BPNT2: variants seen among roughly 807,000 people sequenced by gnomAD.
BPNT2 encodes the protein 3'(2'), 5'-bisphosphate nucleotidase 2, also known as Golgi-resident adenosine 3',5'-bisphosphate 3'-phosphatase.
Under a neutral mutation model 29.3 loss-of-function variants are expected in BPNT2, and 11 were observed. That is an observed-to-expected ratio of 0.38 (90% CI 0.24 to 0.62). The LOEUF is 0.62. Ranked by LOEUF, BPNT2 falls within the 20% of genes least tolerant of loss-of-function variation. The pLI is 0.62. For missense variants in BPNT2, 459 were observed against 473.4 expected (o/e 0.97, Z 0.28); for synonymous variants, 195 against 187.7 (o/e 1.04, Z -0.32).
chr8:56,973,987 T>C (rs1447710139), intron 3 of BPNT2, among the ~76,000 whole-genome samples: 3 of 152,128 alleles, frequency 2.0e-5, no homozygotes, highest in African/African-American at 7.2e-5. Flanking sequence ...ACAAAACTAA[T>C]AATCCTTTCT....
At chr8:56,985,833 G>C (rs1267593389) in intron 1 of BPNT2, among the ~76,000 whole-genome samples, 1 of 152,202 alleles carries the variant, frequency 6.6e-6, no homozygotes, top group Non-Finnish European at 1.5e-5. Context: ...AGAGGCAAAT[G>C]AGAGTGATTC....
At chr8:56,992,230 T>C (rs944269769) in intron 1 of BPNT2, among the ~76,000 whole-genome samples, 1 of 152,208 alleles carries the variant, frequency 6.6e-6, no homozygotes, top group Non-Finnish European at 1.5e-5. Flanking sequence ...GGTTTGCACA[T>C]CACTGTTTAT....
chr8:56,979,999 G>T (rs756923143), intron 2 of BPNT2, 36 bp downstream of exon 2: 6 of 1,602,836 alleles, frequency 3.7e-6, no homozygotes, highest in Admixed American at 1.7e-5. Context: ...ACTACTAAAC[G>T]TCAATCAAAT....
At chr8:56,977,543 T>C (rs1402903829) in intron 3 of BPNT2, among the ~76,000 whole-genome samples, 3 of 152,202 alleles carry the variant, frequency 2.0e-5, no homozygotes, top group African/African-American at 7.2e-5. Flanking sequence ...GGTTAAACTG[T>C]GTCCCCCAAA....
intron 1 of BPNT2, 23 bp from the exon 2 acceptor site, chr8:56,980,220 T>C (rs1292471743): frequency 1.2e-6 from 2 of 1,600,834 alleles, no homozygotes; most frequent in East Asian, 4.5e-5. Flanking sequence ...CAGGTGACAG[T>C]TAAAAAAAGT....
At chr8:56,972,031 C>G (rs1415642021) in intron 3 of BPNT2, among the ~76,000 whole-genome samples, 3 of 147,350 alleles carry the variant, frequency 2.0e-5, no homozygotes, top group Non-Finnish European at 4.5e-5. Flanking sequence ...GGAGGTGGAG[C>G]CTGCAGTGGG....
chr8:56,990,472 A>G (rs931799543), intron 1 of BPNT2, among the ~76,000 whole-genome samples: 43 of 152,176 alleles, frequency 2.8e-4, no homozygotes, highest in African/African-American at 9.2e-4. Flanking sequence ...AGAGGAGACT[A>G]GCTGCCCAGA....
In BPNT2 at chr8:56,971,099, T is replaced by C. The variant is rs1261307376; in HGVS notation, c.647-4747A>G. 2.0e-5 allele frequency among the ~76,000 whole-genome samples: 3 copies of C among 152,114 alleles called. No individual in the cohort carries two copies. The South Asian group carries it at 6.2e-4, about 31-fold the overall frequency. ...TTAGTATTTTTAAAAATGTTCTTCA[T>C]GTTACATAAACTCAATACATTTATT... On this transcript the variant is annotated intron_variant, in intron 3 of 4. Coordinates refer to ENST00000262644, the MANE Select transcript of BPNT2 (RefSeq NM_017813.5).
At chr8:56,978,180 G>A (rs1806177609) in intron 2 of BPNT2, 35 bp from the exon 3 acceptor site, 1 of 1,277,674 alleles carries the variant, frequency 7.8e-7, no homozygotes, top group East Asian at 2.3e-5. Context: ...ACACACAAAT[G>A]TCAAAGTAAT....
intron 1 of BPNT2, among the ~76,000 whole-genome samples, chr8:56,984,904 C>A (rs1288190803): frequency 6.6e-6 from 1 of 151,906 alleles, no homozygotes; most frequent in Non-Finnish European, 1.5e-5. Flanking sequence ...ATTTACTGTA[C>A]CCCAGACTTA....
chr8:56,993,065 G>A, intron 1 of BPNT2, 134 bp downstream of exon 1: 1 of 1,513,648 alleles, frequency 6.6e-7, no homozygotes, highest in South Asian at 1.2e-5. Flanking sequence ...CTGACCTTGT[G>A]CACGTTAACT....
chr8:56,969,124 G>GC (rs1805993596), intron 3 of BPNT2, among the ~76,000 whole-genome samples: 1 of 152,144 alleles, frequency 6.6e-6, no homozygotes, highest in Non-Finnish European at 1.5e-5. Context: ...AGAAAGTATG[G>GC]CCCCACTGAC....
intron 1 of BPNT2, among the ~76,000 whole-genome samples, chr8:56,992,990 A>T (rs1243325216): frequency 6.6e-6 from 1 of 152,152 alleles, no homozygotes; most frequent in Non-Finnish European, 1.5e-5. Context: ...ACCCAGGACG[A>T]GCCAAAAGGG....
chr8:56,993,434 C>T lies in BPNT2; in HGVS notation c.152G>A (p.Gly51Glu), dbSNP rs775038970. The change falls in exon 1 of 5, where the codon GGG (glycine) becomes GAG (glutamate). Residue 51 changes from glycine (G) to glutamate (E), a missense_variant. Gly to Glu is a moderately conservative substitution (Grantham distance 98). Coordinates refer to ENST00000262644, the MANE Select transcript of BPNT2 (RefSeq NM_017813.5). Reference protein sequence around the residue: ...LGGEPGGGAAGPAAAADGGTV... With the variant: ...LGGEPGGGAAEPAAAADGGTV... Reference sequence around the variant, plus strand: ...GCCCCCATCGGCCGCGGCCGCGGGCCCCGCCGCGCCGCCGCCAGGCTCGCC... The same window carrying T: ...GCCCCCATCGGCCGCGGCCGCGGGCTCCGCCGCGCCGCCGCCAGGCTCGCC... 9.5e-6 allele frequency: 14 copies of T among 1,480,634 alleles called. No individual in the cohort carries two copies. In the Admixed American group the frequency reaches 1.9e-4, roughly 20 times the overall value. 91.7% of individuals were successfully genotyped at this position (1,480,634 alleles called of 1,614,324 possible).
rs994907741 is a variant in BPNT2, at chr8:56,961,396, A to T, written c.*2397T>A. ...GCAACGTATATTGGCTTTTAAAAAC[A>T]AACAATTTTAAAAATGAACTTTTTA... On this transcript the variant is annotated 3_prime_UTR_variant, in exon 5 of 5. Coordinates refer to ENST00000262644, the MANE Select transcript of BPNT2 (RefSeq NM_017813.5). 6.6e-6 allele frequency: 1 copy of T among 152,128 alleles called. No homozygotes were observed. The highest frequency in any genetic ancestry group is 2.4e-5 in the African/African-American group (1 of 41,404). The allele number at this position is 152,128 out of a possible 1,614,324, so 9.4% of individuals were successfully genotyped here. A position where few individuals can be genotyped will look rare whatever the true frequency, so the allele number is the denominator to read the frequency against.
rs1295970701 is a variant in BPNT2, at chr8:56,960,318, A to G, written c.*3475T>C. 2 of 152,212 alleles carry G rather than the reference A, an allele frequency of 1.3e-5. No homozygotes were observed. Among genetic ancestry groups the G allele is most frequent in the East Asian group, 1.9e-4 (1 of 5,192 alleles). 9.4% of individuals were successfully genotyped at this position (152,212 alleles called of 1,614,324 possible). A position where few individuals can be genotyped will look rare whatever the true frequency, so the allele number is the denominator to read the frequency against. On this transcript the variant is annotated 3_prime_UTR_variant, in exon 5 of 5. Coordinates refer to ENST00000262644, the MANE Select transcript of BPNT2 (RefSeq NM_017813.5). ...GGACAGATATCCTGATCCTGGGGTG[A>G]CCAGGGTAGATGTCTGCTTTGCATC...
At position 56,959,894 on chromosome 8, in the gene BPNT2, C is replaced by T. The variant is rs1044139949; in HGVS notation, c.*3899G>A. On this transcript the variant is annotated 3_prime_UTR_variant, in exon 5 of 5. Transcript: ENST00000262644. The stretch of plus-strand genomic sequence containing the variant: ...AAGGTTGTTTTCCCTTATTAACATA[C>T]AATGCCCTATTGTTAAGGCACAACT... 1.3e-5 allele frequency: 2 copies of T among 152,154 alleles called. No individual in the cohort carries two copies. Among genetic ancestry groups the T allele is most frequent in the Non-Finnish European group, 2.9e-5 (2 of 68,022 alleles). The allele number at this position is 152,154 out of a possible 1,614,324, so 9.4% of individuals were successfully genotyped here.
At position 56,963,513 on chromosome 8, in the gene BPNT2, G is replaced by A; in HGVS notation, c.*280C>T. On this transcript the variant is annotated 3_prime_UTR_variant, in exon 5 of 5. Transcript: ENST00000262644. ...GGTGACTCATAACAATGTAGACTCA[G>A]CTACAGATTTTAATTCACAAATATA... 1 of 396,222 alleles carries A rather than the reference G, an allele frequency of 2.5e-6. No homozygotes were observed. Among genetic ancestry groups the A allele is most frequent in the Non-Finnish European group, 4.6e-6 (1 of 218,238 alleles). 24.5% of individuals were successfully genotyped at this position (396,222 alleles called of 1,614,324 possible). A position where few individuals can be genotyped will look rare whatever the true frequency, so the allele number is the denominator to read the frequency against.
At chr8:56,987,863 G>A (rs963921034) in intron 1 of BPNT2, among the ~76,000 whole-genome samples, 1 of 151,614 alleles carries the variant, frequency 6.6e-6, no homozygotes, top group Non-Finnish European at 1.5e-5. Context: ...CGAGCAGGTG[G>A]GACTACAGAC....
Sources: allele counts gnomAD v4.1 joint callset (sites outside exome capture counted in the v4.1 genomes callset), GRCh38; gene constraint gnomAD v4.1.1; transcripts MANE v1.5; gene names NCBI Gene and HGNC (gene_info 2026-07-23, HGNC 2026-07-21).